Variants in BAZ1A observed in about 807,000 individuals in gnomAD.
BAZ1A encodes bromodomain adjacent to zinc finger domain protein 1A.
Under a neutral mutation model 185.2 loss-of-function variants are expected in BAZ1A, and 50 were observed. The ratio of observed to expected loss-of-function variants is 0.27; its 90% CI spans 0.22 to 0.34. BAZ1A has a LOEUF of 0.34. BAZ1A is among the 10% of genes least tolerant of loss of function. BAZ1A has a pLI of 1.00. For missense variants in BAZ1A, 1,356 were observed against 1,839.9 expected (o/e 0.74, Z 4.81); for synonymous variants, 571 against 615.6 (o/e 0.93, Z 1.07).
At chr14:34,865,937 C>G (rs181327568) in intron 2 of BAZ1A, among the ~76,000 whole-genome samples, 2 of 152,284 alleles carry the variant, frequency 1.3e-5, no homozygotes, top group African/African-American at 4.8e-5. Context: ...CCTGTAATCC[C>G]AGCACTTCGG....
chr14:34,831,033 A>C (rs1272634873), intron 3 of BAZ1A, among the ~76,000 whole-genome samples: 1 of 152,224 alleles, frequency 6.6e-6, no homozygotes, highest in African/African-American at 2.4e-5. Context: ...TATTCTAAGC[A>C]CATAAATACC....
At chr14:34,866,821 T>C (rs2042868691) in intron 2 of BAZ1A, among the ~76,000 whole-genome samples, 1 of 152,036 alleles carries the variant, frequency 6.6e-6, no homozygotes, top group African/African-American at 2.4e-5. Context: ...GAATGGTTAG[T>C]CACATGTATA....
chr14:34,831,646 C>T (rs1385225099), intron 3 of BAZ1A, among the ~76,000 whole-genome samples: 1 of 152,140 alleles, frequency 6.6e-6, no homozygotes, highest in Non-Finnish European at 1.5e-5. Flanking sequence ...GGTTCCAAAG[C>T]ACCCTAAGGC....
intron 12 of BAZ1A, 62 bp downstream of exon 12, chr14:34,792,713 T>G (rs1824721682): frequency 6.3e-7 from 1 of 1,578,858 alleles, no homozygotes; most frequent in African/African-American, 1.4e-5. Flanking sequence ...AAATTGGCCC[T>G]CAAAAATTAG....
At chr14:34,757,665 A>C (rs1002620591) in intron 25 of BAZ1A, among the ~76,000 whole-genome samples, 4 of 150,508 alleles carry the variant, frequency 2.7e-5, no homozygotes, top group Admixed American at 2.7e-4. Context: ...ACTTTGTCTC[A>C]AAACAAAAAC....
rs147943642 is a variant in BAZ1A, at chr14:34,812,608, G to A, written c.537-1572C>T. Among the ~76,000 whole-genome samples the A allele has an allele frequency of 8.5e-5, 13 of 152,276 alleles. No individual in the cohort carries two copies. In the East Asian group the frequency reaches 2.5e-3, roughly 29 times the overall value. On this transcript the variant is annotated intron_variant, in intron 4 of 26. Coordinates refer to ENST00000360310, the MANE Select transcript of BAZ1A (RefSeq NM_013448.3). ...GATTGCAGCATGGACTTAAATGGAAGTAGCAGCAATAGAGAGAAGAGGTAG... is the reference window on the plus strand; with the variant it reads ...GATTGCAGCATGGACTTAAATGGAAATAGCAGCAATAGAGAGAAGAGGTAG...
intron 21 of BAZ1A, among the ~76,000 whole-genome samples, chr14:34,768,504 T>C (rs147507611): frequency 2.4e-3 from 370 of 152,218 alleles, no homozygotes; most frequent in African/African-American, 5.9e-3. Flanking sequence ...GTGTGAAATA[T>C]AGAAAGGGAA....
At chr14:34,825,147 A>AT (rs949435266) in intron 4 of BAZ1A, among the ~76,000 whole-genome samples, 2 of 151,916 alleles carry the variant, frequency 1.3e-5, no homozygotes, top group East Asian at 1.9e-4. Context: ...TACAGAATGG[A>AT]TTTTTTCAAG....
chr14:34,761,544 T>G (rs1053887178), intron 24 of BAZ1A, among the ~76,000 whole-genome samples: 1 of 152,212 alleles, frequency 6.6e-6, no homozygotes, highest in African/African-American at 2.4e-5. Flanking sequence ...GTAAGTTTAT[T>G]ACCCTGCTTC....
chr14:34,831,459 A>C (rs979761634), intron 3 of BAZ1A, among the ~76,000 whole-genome samples: 5 of 152,210 alleles, frequency 3.3e-5, no homozygotes, highest in Non-Finnish European at 5.9e-5. Context: ...GTGCAGTGAA[A>C]GGTGGTAAAA....
intron 2 of BAZ1A, among the ~76,000 whole-genome samples, chr14:34,867,356 G>A (rs2042877438): frequency 6.6e-6 from 1 of 152,122 alleles, no homozygotes; most frequent in South Asian, 2.1e-4. Flanking sequence ...AACCCATCTG[G>A]CCAAGTAATG....
chr14:34,785,014 C>A (rs1594836419), intron 14 of BAZ1A, among the ~76,000 whole-genome samples: 4 of 152,258 alleles, frequency 2.6e-5, no homozygotes, highest in African/African-American at 9.6e-5. Context: ...CAGCACCACA[C>A]CCAGCTAATT....
chr14:34,777,619 G>A (rs1266019586), intron 17 of BAZ1A, among the ~76,000 whole-genome samples: 1 of 150,456 alleles, frequency 6.6e-6, no homozygotes, highest in Non-Finnish European at 1.5e-5. Flanking sequence ...ACTCCACCCT[G>A]GGGGATAGAG....
At chr14:34,832,187 C>CAT (rs113371932) in intron 3 of BAZ1A, among the ~76,000 whole-genome samples, 9,589 of 98,052 alleles carry the variant, frequency 0.098, 705 homozygotes, top group South Asian at 0.17. Context: ...TACATATATA[C>CAT]ATATACACAC....
chr14:34,779,535 G>C (rs1019743895), intron 17 of BAZ1A, among the ~76,000 whole-genome samples: 1 of 151,770 alleles, frequency 6.6e-6, no homozygotes, highest in Admixed American at 6.6e-5. Flanking sequence ...TCTACTTAGA[G>C]TAACCATTTA....
chr14:34,872,912 C>CAAAAAA, intron 2 of BAZ1A, among the ~76,000 whole-genome samples: 1 of 35,104 alleles, frequency 2.8e-5, no homozygotes, highest in East Asian at 7.4e-4. Flanking sequence ...CTTTAAAATC[C>CAAAAAA]TAAAAAAAAA....
rs1229276524 is a variant in BAZ1A at position 34,823,779 on chromosome 14, CTTGAA to C, written c.536+2229_536+2233del. On this transcript the variant is annotated intron_variant, in intron 4 of 26. Transcript: ENST00000360310. ...TTAAGACTGGGCTTAGTTTTTTTAT[CTTGAA>C]TTAAAATTTTCAAGAGGCATTCCAA... is the stretch of plus-strand genomic sequence containing the variant. Among the ~76,000 whole-genome samples the C allele has an allele frequency of 1.1e-4, 16 of 152,082 alleles. No individual in the cohort carries two copies. The East Asian group carries it at 3.1e-3, about 29-fold the overall frequency.
intron 6 of BAZ1A, among the ~76,000 whole-genome samples, chr14:34,806,343 G>A (rs1310674092): frequency 6.6e-6 from 1 of 152,066 alleles, no homozygotes; most frequent in Non-Finnish European, 1.5e-5. Flanking sequence ...TTGCAGGTTT[G>A]TTACATAGTT....
intron 2 of BAZ1A, among the ~76,000 whole-genome samples, chr14:34,873,654 A>G (rs1396946528): frequency 6.6e-6 from 1 of 152,152 alleles, no homozygotes; most frequent in East Asian, 1.9e-4. Context: ...CTTCCCGGCT[A>G]TGCGAAAGTG....
Sources: allele counts gnomAD v4.1 joint callset (sites outside exome capture counted in the v4.1 genomes callset), GRCh38; gene constraint gnomAD v4.1.1; transcripts MANE v1.5; gene names NCBI Gene and HGNC (gene_info 2026-07-23, HGNC 2026-07-21).